The following KIF1B variants were observed in gnomAD, a reference collection of about 807,000 sequenced individuals.
The protein encoded by KIF1B is kinesin family member 1B.
A neutral mutation model predicts 241.9 loss-of-function variants in KIF1B; 76 were observed. The observed-to-expected ratio is 0.31, with a 90% CI of 0.26 to 0.38. KIF1B has a LOEUF of 0.38. Among genes scored for constraint, KIF1B ranks in the 10% least tolerant of loss-of-function variants. The pLI is 1.00. For synonymous variants in KIF1B, 750 were observed against 796.7 expected (o/e 0.94, Z 0.99); for missense variants, 1,622 against 2,271.4 (o/e 0.71, Z 5.81).
In KIF1B at chr1:10,266,081, C is replaced by A. The variant is rs778874095; in HGVS notation, c.430-1299C>A. ...ATGTGGCCTATTGTGATGAATTTAC[C>A]CTAGTTCAGAGCCTTGTTTGCTTAG... On this transcript the variant is annotated intron_variant, in intron 5 of 48. Coordinates refer to ENST00000676179, the MANE Select transcript of KIF1B (RefSeq NM_001365951.3). Among the ~76,000 whole-genome samples, 151 of 152,112 alleles carry A rather than the reference C, an allele frequency of 9.9e-4. 3 individuals carry two copies. The Middle Eastern group carries it at 0.01, about 10-fold the overall frequency.
At chr1:10,298,709 CTA>C (rs1363251584) in intron 22 of KIF1B, among the ~76,000 whole-genome samples, 1 of 152,176 alleles carries the variant, frequency 6.6e-6, no homozygotes, top group Non-Finnish European at 1.5e-5. Context: ...TAATTAAGCT[CTA>C]TTATTAACAA....
chr1:10,345,468 T>G (rs1652553610), intron 34 of KIF1B, among the ~76,000 whole-genome samples: 1 of 152,136 alleles, frequency 6.6e-6, no homozygotes, highest in African/African-American at 2.4e-5. Context: ...ATTGAGCCCC[T>G]GTGACGTGAG....
At chr1:10,333,684 TC>T (rs1018693104) in intron 27 of KIF1B, among the ~76,000 whole-genome samples, 1 of 152,072 alleles carries the variant, frequency 6.6e-6, no homozygotes, top group African/African-American at 2.4e-5. Flanking sequence ...AGAGTGAGAC[TC>T]CATCTCAAAA....
At chr1:10,282,656 C>A in intron 15 of KIF1B, 123 bp downstream of exon 15, 1 of 835,148 alleles carries the variant, frequency 1.2e-6, no homozygotes, top group East Asian at 2.6e-5. Flanking sequence ...TAGAAGTGTC[C>A]TGAAAATTGA....
intron 19 of KIF1B, among the ~76,000 whole-genome samples, chr1:10,296,203 C>T (rs1034982960): frequency 6.6e-6 from 1 of 152,140 alleles, no homozygotes; most frequent in Admixed American, 6.5e-5. Context: ...TTATATAAGT[C>T]ACTCATTCCC....
At chr1:10,357,362 C>A (rs2102340054) in intron 38 of KIF1B, among the ~76,000 whole-genome samples, 2 of 152,218 alleles carry the variant, frequency 1.3e-5, no homozygotes, top group South Asian at 4.2e-4. Context: ...GGGATTCAGC[C>A]CTGTTTGTAA....
At chr1:10,328,976 G>A (rs566412419) in intron 27 of KIF1B, among the ~76,000 whole-genome samples, 2 of 152,374 alleles carry the variant, frequency 1.3e-5, no homozygotes, top group East Asian at 3.9e-4. Flanking sequence ...TGAGGAAGTT[G>A]TGTGGAAACT....
At position 10,361,826 on chromosome 1, in the gene KIF1B, G is replaced by A. The variant is rs745472601; in HGVS notation, c.4304+1G>A. On this transcript the variant is annotated splice_donor_variant, in intron 40 of 48. Transcript: ENST00000676179. LOFTEE classifies it high-confidence loss of function. ...GCGGCTACTCAAAGTCACCAGATTC[G>A]TAAGTTTTTCACACAAGTTAGCTTC... 6.2e-7 allele frequency: 1 copy of A among 1,613,656 alleles called. No homozygotes were observed. Among genetic ancestry groups the A allele is most frequent in the Non-Finnish European group, 8.5e-7 (1 of 1,180,016 alleles).
intron 11 of KIF1B, 31 bp from the exon 12 acceptor site, chr1:10,276,290 G>A (rs1227758407): frequency 1.3e-6 from 2 of 1,502,614 alleles, no homozygotes; most frequent in Admixed American, 1.7e-5. Context: ...TAAAATGAGT[G>A]TGATTTGATA....
At position 10,381,544 on chromosome 1, in the gene KIF1B, C is replaced by G. The variant is rs1639021470; in HGVS notation, c.*4957C>G. 5.1e-6 allele frequency: 1 copy of G among 197,868 alleles called. No individual in the cohort carries two copies. Among genetic ancestry groups the G allele is most frequent in the African/African-American group, 2.3e-5 (1 of 43,326 alleles). The allele number at this position is 197,868 out of a possible 1,614,324, so 12.3% of individuals were successfully genotyped here. ...TATCTAACTGTGTGTGGTAACCTTG[C>G]GTCACGGAGCTGTTAGTGAACGAGG... On this transcript the variant is annotated 3_prime_UTR_variant, in exon 49 of 49. Transcript: ENST00000676179.
At chr1:10,306,338 T>C in intron 22 of KIF1B, 1 of 1,047,920 alleles carries the variant, frequency 9.5e-7, no homozygotes, top group Non-Finnish European at 1.2e-6. Flanking sequence ...GATAGGCTGC[T>C]TCAAATCAGT....
In KIF1B at chr1:10,214,373, T is replaced by A. The variant is rs908357870; in HGVS notation, c.-80+3495T>A. On this transcript the variant is annotated intron_variant, in intron 1 of 48. Coordinates refer to ENST00000676179, the MANE Select transcript of KIF1B (RefSeq NM_001365951.3). ...GGTGTGATCTCAGCTCACTGCAACC[T>A]CCGCCTCCCGGGTTCAAATGATTCT... 2.0e-5 allele frequency among the ~76,000 whole-genome samples: 3 copies of A among 151,798 alleles called. 1 individual carries two copies. The highest frequency in any genetic ancestry group is 1.5e-5 in the Non-Finnish European group (1 of 67,976).
intron 2 of KIF1B, among the ~76,000 whole-genome samples, chr1:10,252,486 C>G (rs1040624129): frequency 2.0e-5 from 3 of 152,028 alleles, no homozygotes; most frequent in African/African-American, 7.2e-5. Context: ...TCTTGGCTAA[C>G]TGCAGCCTGG....
intron 2 of KIF1B, among the ~76,000 whole-genome samples, chr1:10,243,833 C>T (rs774251814): frequency 5.9e-5 from 9 of 152,010 alleles, no homozygotes; most frequent in Non-Finnish European, 1.2e-4. Context: ...GAAAAAGCTG[C>T]GGGGAAGGGG....
At chr1:10,212,217 T>G (rs776258803) in intron 1 of KIF1B, among the ~76,000 whole-genome samples, 9 of 152,334 alleles carry the variant, frequency 5.9e-5, no homozygotes, top group Middle Eastern at 3.4e-3. Context: ...ATGGTGGATA[T>G]TTTATTTAAA....
In KIF1B at chr1:10,212,841, T is replaced by TA. The variant is rs1297237308; in HGVS notation, c.-80+1974dup. 2.3e-3 allele frequency among the ~76,000 whole-genome samples: 292 copies of TA among 128,700 alleles called. 2 individuals carry two copies. Among genetic ancestry groups the TA allele is most frequent in the African/African-American group, 6.3e-3 (225 of 35,582 alleles). The allele number at this position is 128,700 out of a possible 152,430, so 84.4% of individuals were successfully genotyped here. ...GCCTGGGCAACAGCAAGACCCTGGC[T>TA]AAAAAAAAAAATGTGTATATATATA... On this transcript the variant is annotated intron_variant, in intron 1 of 48. Transcript: ENST00000676179.
At chr1:10,228,869 G>A (rs1646943264) in intron 1 of KIF1B, among the ~76,000 whole-genome samples, 1 of 152,164 alleles carries the variant, frequency 6.6e-6, no homozygotes. Flanking sequence ...AATAATGTTG[G>A]TAATAATACA....
intron 27 of KIF1B, among the ~76,000 whole-genome samples, chr1:10,327,336 C>T (rs747077831): frequency 6.6e-6 from 1 of 151,926 alleles, no homozygotes; most frequent in Non-Finnish European, 1.5e-5. Context: ...CCCGTCTCTA[C>T]TAAAAATACA....
intron 10 of KIF1B, among the ~76,000 whole-genome samples, chr1:10,273,896 G>A (rs1482209933): frequency 6.8e-6 from 1 of 146,746 alleles, no homozygotes; most frequent in Non-Finnish European, 1.5e-5. Context: ...CTGGAGTGGT[G>A]TTTAGCAGTG....
Sources: allele counts gnomAD v4.1 joint callset (sites outside exome capture counted in the v4.1 genomes callset), GRCh38; gene constraint gnomAD v4.1.1; transcripts MANE v1.5; gene names NCBI Gene and HGNC (gene_info 2026-07-23, HGNC 2026-07-21).